The following SUPT3H variants were observed in gnomAD, a reference collection of about 807,000 sequenced individuals.
SUPT3H encodes transcription initiation protein SPT3 homolog.
Under a neutral mutation model 44.3 loss-of-function variants are expected in SUPT3H, and 44 were observed. The ratio of observed to expected loss-of-function variants is 0.99; its 90% CI spans 0.78 to 1.28. The LOEUF is 1.28. SUPT3H is among the 50% of genes most tolerant of loss of function. SUPT3H has a pLI of 0.00. For synonymous variants in SUPT3H, 124 were observed against 125.6 expected (o/e 0.99, Z 0.09); for missense variants, 380 against 387.1 (o/e 0.98, Z 0.15).
intron 10 of SUPT3H, among the ~76,000 whole-genome samples, chr6:44,882,301 G>C (rs1279457509): frequency 1.6e-4 from 24 of 152,070 alleles, no homozygotes; most frequent in Non-Finnish European, 3.2e-4. Flanking sequence ...TGGATAAATT[G>C]CTGGACACAT....
chr6:45,302,514 A>AATATATAT (rs10524207), intron 2 of SUPT3H, among the ~76,000 whole-genome samples: 202 of 105,296 alleles, frequency 1.9e-3, no homozygotes, highest in Non-Finnish European at 2.9e-3. Context: ...GTATCTCAGG[A>AATATATAT]ATATATATAT....
intron 5 of SUPT3H, among the ~76,000 whole-genome samples, chr6:45,014,146 T>C (rs1280631957): frequency 6.6e-6 from 1 of 152,028 alleles, no homozygotes; most frequent in Admixed American, 6.6e-5. Flanking sequence ...ATAATTTCTA[T>C]CAACTGTTTT....
intron 10 of SUPT3H, among the ~76,000 whole-genome samples, chr6:44,834,974 T>C (rs1769551721): frequency 6.6e-6 from 1 of 152,112 alleles, no homozygotes; most frequent in South Asian, 2.1e-4. Context: ...AGTTCTACCT[T>C]GGGCTTTTCT....
intron 2 of SUPT3H, among the ~76,000 whole-genome samples, chr6:45,294,733 CAAAAAAAAAAA>C (rs56281990): frequency 2.8e-5 from 1 of 36,194 alleles, no homozygotes; most frequent in Non-Finnish European, 4.6e-5. Context: ...ACAATAGCTG[CAAAAAAAAAAA>C]AAAAAAAAAA....
At chr6:45,196,158 A>G (rs1815979051) in intron 2 of SUPT3H, among the ~76,000 whole-genome samples, 1 of 152,110 alleles carries the variant, frequency 6.6e-6, no homozygotes. Flanking sequence ...ACAATATTCA[A>G]TCATTTTAAA....
At chr6:45,202,095 G>A (rs1762531812) in intron 2 of SUPT3H, among the ~76,000 whole-genome samples, 1 of 151,674 alleles carries the variant, frequency 6.6e-6, no homozygotes, top group South Asian at 2.1e-4. Flanking sequence ...ATAATATTAA[G>A]GTGACTTCAT....
At chr6:44,847,302 A>C (rs1030997494) in intron 10 of SUPT3H, among the ~76,000 whole-genome samples, 4 of 152,246 alleles carry the variant, frequency 2.6e-5, no homozygotes, top group Non-Finnish European at 4.4e-5. Flanking sequence ...TCATGGAATC[A>C]GCCATGATTG....
chr6:45,298,824 T>C (rs1781686741), intron 2 of SUPT3H, among the ~76,000 whole-genome samples: 1 of 152,142 alleles, frequency 6.6e-6, no homozygotes, highest in East Asian at 1.9e-4. Context: ...TCAAAGTATA[T>C]AACCAAATTT....
chr6:45,377,411 C>A (rs1409816512), intron 1 of SUPT3H: 1 of 152,414 alleles, frequency 6.6e-6, no homozygotes, highest in Non-Finnish European at 1.5e-5. Flanking sequence ...CAATTTCCCT[C>A]TTTAATGATT....
At chr6:45,141,566 A>G (rs1010964302) in intron 2 of SUPT3H, among the ~76,000 whole-genome samples, 3 of 151,986 alleles carry the variant, frequency 2.0e-5, no homozygotes, top group African/African-American at 7.2e-5. Context: ...AAAATCTACT[A>G]GAAAGTTTCA....
intron 2 of SUPT3H, among the ~76,000 whole-genome samples, chr6:45,122,118 T>C (rs1212565366): frequency 1.3e-5 from 2 of 152,180 alleles, no homozygotes; most frequent in African/African-American, 2.4e-5. Context: ...GCAAAATTAA[T>C]CTATTTACCA....
intron 10 of SUPT3H, among the ~76,000 whole-genome samples, chr6:44,857,645 C>A (rs867339579): frequency 6.6e-6 from 1 of 152,066 alleles, no homozygotes; most frequent in Non-Finnish European, 1.5e-5. Flanking sequence ...TCTGGAGGCC[C>A]AGTTTTTACT....
At chr6:45,262,334 A>C (rs1318931899) in intron 2 of SUPT3H, among the ~76,000 whole-genome samples, 1 of 152,056 alleles carries the variant, frequency 6.6e-6, no homozygotes, top group East Asian at 1.9e-4. Flanking sequence ...ACAGAACAGA[A>C]TAGAGAACCC....
intron 2 of SUPT3H, among the ~76,000 whole-genome samples, chr6:45,219,942 C>T (rs535226852): frequency 1.3e-4 from 19 of 146,018 alleles, no homozygotes; most frequent in African/African-American, 4.0e-4. Flanking sequence ...GGGAGGCTGA[C>T]GCAGGAGAAT....
intron 3 of SUPT3H, among the ~76,000 whole-genome samples, chr6:45,033,171 A>G (rs1787202477): frequency 2.0e-5 from 3 of 152,170 alleles, no homozygotes; most frequent in Non-Finnish European, 4.4e-5. Context: ...AATGTCTGAA[A>G]TATAGTAACA....
chr6:45,032,420 A>T (rs1327296456), intron 3 of SUPT3H, among the ~76,000 whole-genome samples: 1 of 152,234 alleles, frequency 6.6e-6, no homozygotes, highest in South Asian at 2.1e-4. Flanking sequence ...ACTATAAAAC[A>T]CTATACCTGC....
At chr6:44,865,598 C>T (rs774798684) in intron 10 of SUPT3H, among the ~76,000 whole-genome samples, 15 of 152,172 alleles carry the variant, frequency 9.9e-5, no homozygotes, top group Non-Finnish European at 1.6e-4. Context: ...CAGGTTTTCC[C>T]TTATCAAACC....
intron 6 of SUPT3H, among the ~76,000 whole-genome samples, chr6:45,003,411 C>G (rs1466825853): frequency 6.6e-6 from 1 of 151,986 alleles, no homozygotes; most frequent in South Asian, 2.1e-4. Flanking sequence ...GTAGGGAAAC[C>G]TAATCATTTT....
chr6:45,094,208 A>T (rs1797500143), intron 3 of SUPT3H, among the ~76,000 whole-genome samples: 1 of 152,182 alleles, frequency 6.6e-6, no homozygotes, highest in Non-Finnish European at 1.5e-5. Context: ...TTAAAAATCC[A>T]AGCATGGTAC....
Sources: gnomAD v4.1 joint callset for allele counts (sites outside exome capture counted in the v4.1 genomes callset) on GRCh38, gnomAD v4.1.1 for gene constraint, MANE v1.5 for transcripts, NCBI Gene and HGNC (gene_info 2026-07-23, HGNC 2026-07-21) for gene names.